The following SLC39A11 variants were observed in gnomAD, a reference collection of about 807,000 sequenced individuals.
SLC39A11 encodes the protein zinc transporter ZIP11.
A neutral mutation model predicts 36.1 loss-of-function variants in SLC39A11; 33 were observed. The ratio of observed to expected loss-of-function variants is 0.91; its 90% CI spans 0.69 to 1.22. The LOEUF is 1.22. Among genes scored for constraint, SLC39A11 ranks in the 50% most tolerant of loss-of-function variants. The pLI is 0.00. For missense variants in SLC39A11, 432 were observed against 430.3 expected, an observed-to-expected ratio of 1.00 and a Z score of -0.03; for synonymous variants, 166 against 170.3, an observed-to-expected ratio of 0.97 and a Z score of 0.20.
chr17:72,818,542 G>T (rs1344384439), intron 6 of SLC39A11, among the ~76,000 whole-genome samples: 1 of 152,154 alleles, frequency 6.6e-6, no homozygotes, highest in African/African-American at 2.4e-5. Flanking sequence ...GAAAGATTAA[G>T]CCTATTGATT....
At chr17:72,744,833 A>G (rs2074862820) in intron 6 of SLC39A11, among the ~76,000 whole-genome samples, 1 of 152,144 alleles carries the variant, frequency 6.6e-6, no homozygotes, top group African/African-American at 2.4e-5. Context: ...TTAGCATCTC[A>G]GCATACACAT....
intron 5 of SLC39A11, among the ~76,000 whole-genome samples, chr17:72,872,647 T>C (rs2080695002): frequency 6.6e-6 from 1 of 152,210 alleles, no homozygotes; most frequent in East Asian, 1.9e-4. Context: ...GAAGTTAGTT[T>C]CTAGTGTAAC....
intron 7 of SLC39A11, among the ~76,000 whole-genome samples, chr17:72,709,706 T>C (rs2073038408): frequency 6.6e-6 from 1 of 152,194 alleles, no homozygotes; most frequent in African/African-American, 2.4e-5. Flanking sequence ...AGCTGAAGAT[T>C]TTCTTGCCCC....
intron 5 of SLC39A11, among the ~76,000 whole-genome samples, chr17:72,873,945 C>CA (rs1430104297): frequency 6.6e-6 from 1 of 152,160 alleles, no homozygotes; most frequent in Non-Finnish European, 1.5e-5. Flanking sequence ...GGGCTCCCCC[C>CA]ACTTGCTCAG....
intron 4 of SLC39A11, among the ~76,000 whole-genome samples, chr17:73,019,564 T>C (rs1568134086): frequency 6.6e-6 from 1 of 152,190 alleles, no homozygotes; most frequent in African/African-American, 2.4e-5. Flanking sequence ...TAGACCATGA[T>C]AAGTTAAGGA....
intron 6 of SLC39A11, among the ~76,000 whole-genome samples, chr17:72,745,247 T>C (rs1253419946): frequency 6.6e-6 from 1 of 152,332 alleles, no homozygotes; most frequent in Middle Eastern, 3.4e-3. Flanking sequence ...GCTTGAGAAG[T>C]GCAATCACCT....
chr17:72,703,582 C>T (rs979374087), intron 7 of SLC39A11, among the ~76,000 whole-genome samples: 1 of 152,162 alleles, frequency 6.6e-6, no homozygotes, highest in African/African-American at 2.4e-5. Context: ...AGGTTTCCTG[C>T]CCCCACTTTT....
At chr17:72,695,455 T>C (rs1440017656) in intron 7 of SLC39A11, among the ~76,000 whole-genome samples, 1 of 152,246 alleles carries the variant, frequency 6.6e-6, no homozygotes, top group African/African-American at 2.4e-5. Context: ...CTGTTATTGC[T>C]GAATATTTCT....
At chr17:72,919,636 C>T (rs914395358) in intron 5 of SLC39A11, among the ~76,000 whole-genome samples, 9 of 143,246 alleles carry the variant, frequency 6.3e-5, no homozygotes, top group Non-Finnish European at 1.0e-4. Flanking sequence ...CGTGCCACCG[C>T]ACTCCAGACT....
At chr17:72,679,464 G>A (rs980092984) in intron 7 of SLC39A11, among the ~76,000 whole-genome samples, 8 of 152,178 alleles carry the variant, frequency 5.3e-5, no homozygotes, top group Non-Finnish European at 7.3e-5. Context: ...TCTGAGATGC[G>A]CAGACACAGA....
intron 5 of SLC39A11, among the ~76,000 whole-genome samples, chr17:72,899,181 C>T (rs945183252): frequency 2.0e-5 from 3 of 152,214 alleles, no homozygotes; most frequent in South Asian, 2.1e-4. Flanking sequence ...TCTCCAGGCT[C>T]GGTAAAAGGG....
rs386386565 is a variant in SLC39A11, at chr17:72,740,056, C to CTTTTTTTTTTTTTT, written c.602-3351_602-3338dup. Among the ~76,000 whole-genome samples the CTTTTTTTTTTTTTT allele has an allele frequency of 4.9e-4, 40 of 81,468 alleles. 2 individuals carry two copies. Among genetic ancestry groups the CTTTTTTTTTTTTTT allele is most frequent in the Admixed American group, 9.0e-4 (5 of 5,544 alleles). 53.4% of individuals were successfully genotyped at this position (81,468 alleles called of 152,430 possible). A position where few individuals can be genotyped will look rare whatever the true frequency, so the allele number is the denominator to read the frequency against. ...AGCTAGATAGAATTTCTTTCCTTTTCTTTTTTTTTTTTTTTTTTTTTTTTG... is the reference window on the plus strand; with the variant it reads ...AGCTAGATAGAATTTCTTTCCTTTTCTTTTTTTTTTTTTTTTTTTTTTTTTTTTTTTTTTTTTTG... On this transcript the variant is annotated intron_variant, in intron 6 of 9. Coordinates refer to ENST00000255559, the MANE Select transcript of SLC39A11 (RefSeq NM_139177.4).
chr17:72,955,298 C>CTTTTTTTTTTTTTTTTTTTT (rs71359751), intron 4 of SLC39A11, among the ~76,000 whole-genome samples: 7 of 65,582 alleles, frequency 1.1e-4, no homozygotes, highest in Non-Finnish European at 1.6e-4. Context: ...TTTCAGTTCT[C>CTTTTTTTTTTTTTTTTTTTT]TTTTTTTTTT....
chr17:73,011,848 G>C (rs1241389488), intron 4 of SLC39A11, among the ~76,000 whole-genome samples: 1 of 151,116 alleles, frequency 6.6e-6, no homozygotes, highest in African/African-American at 2.4e-5. Flanking sequence ...TTTGGGTAGA[G>C]ATGGGGTTTC....
chr17:72,707,760 G>A (rs1398800076), intron 7 of SLC39A11, among the ~76,000 whole-genome samples: 1 of 152,178 alleles, frequency 6.6e-6, no homozygotes, highest in Non-Finnish European at 1.5e-5. Flanking sequence ...AAAACGGTTA[G>A]GAAGGCAAAG....
chr17:72,953,560 C>A (rs2086020894), intron 4 of SLC39A11, among the ~76,000 whole-genome samples: 3 of 152,084 alleles, frequency 2.0e-5, no homozygotes, highest in Non-Finnish European at 4.4e-5. Flanking sequence ...TCTCCAGAGC[C>A]CCCCAAAAGA....
intron 7 of SLC39A11, among the ~76,000 whole-genome samples, chr17:72,729,407 A>C (rs113002272): frequency 9.2e-5 from 1 of 10,908 alleles, no homozygotes; most frequent in Non-Finnish European, 1.6e-4. Context: ...CTGGCTATTT[A>C]TATATATATA....
chr17:72,868,730 G>T (rs1363685995), intron 5 of SLC39A11, among the ~76,000 whole-genome samples: 1 of 150,882 alleles, frequency 6.6e-6, no homozygotes, highest in Non-Finnish European at 1.5e-5. Flanking sequence ...GATAGTTTGA[G>T]CCCAGAAGGC....
intron 3 of SLC39A11, among the ~76,000 whole-genome samples, chr17:73,054,832 G>T (rs1437173252): frequency 6.8e-6 from 1 of 147,970 alleles, no homozygotes; most frequent in East Asian, 2.0e-4. Context: ...AAAGAATTTA[G>T]AGACAAGTGC....
Sources: gnomAD v4.1 joint callset for allele counts (sites outside exome capture counted in the v4.1 genomes callset) on GRCh38, gnomAD v4.1.1 for gene constraint, MANE v1.5 for transcripts, NCBI Gene and HGNC (gene_info 2026-07-23, HGNC 2026-07-21) for gene names.